Variants in AGBL4 observed in about 807,000 individuals in gnomAD.
AGBL4 encodes the protein cytosolic carboxypeptidase 6.
A neutral mutation model predicts 66.4 loss-of-function variants in AGBL4; 58 were observed. The ratio of observed to expected loss-of-function variants is 0.87; its 90% CI spans 0.71 to 1.09. The LOEUF is 1.09. AGBL4 is among the 50% of genes least tolerant of loss of function. The pLI, the probability that AGBL4 is intolerant of heterozygous loss-of-function variation, is 0.00. For missense variants in AGBL4, 579 were observed against 631.0 expected, an observed-to-expected ratio of 0.92 and a Z score of 0.88; for synonymous variants, 234 against 222.9, an observed-to-expected ratio of 1.05 and a Z score of -0.44.
At chr1:49,912,837 G>T (rs1650993226) in intron 1 of AGBL4, among the ~76,000 whole-genome samples, 1 of 152,110 alleles carries the variant, frequency 6.6e-6, no homozygotes. Flanking sequence ...AAAGGCAGAA[G>T]GGCAAGAGAA....
chr1:49,825,855 A>G (rs1645495450), intron 2 of AGBL4, among the ~76,000 whole-genome samples: 1 of 140,282 alleles, frequency 7.1e-6, no homozygotes, highest in African/African-American at 3.1e-5. Context: ...ACTCACACAT[A>G]CACACACACA....
chr1:49,942,821 G>C (rs1327414700), intron 1 of AGBL4, among the ~76,000 whole-genome samples: 3 of 152,020 alleles, frequency 2.0e-5, no homozygotes, highest in Admixed American at 6.6e-5. Flanking sequence ...GCAAAAAATA[G>C]ACAAATGGGA....
chr1:49,253,732 A>G (rs890540595), intron 3 of AGBL4, among the ~76,000 whole-genome samples: 5 of 152,064 alleles, frequency 3.3e-5, no homozygotes, highest in African/African-American at 1.2e-4. Context: ...AAATCAAGGC[A>G]ATATCCTTGA....
intron 1 of AGBL4, among the ~76,000 whole-genome samples, chr1:49,906,986 T>A (rs1650340518): frequency 6.6e-6 from 1 of 152,140 alleles, no homozygotes; most frequent in Non-Finnish European, 1.5e-5. Flanking sequence ...CTTAAGTCAA[T>A]ATAAGTTTCT....
chr1:48,598,065 A>G (rs1159495998), intron 9 of AGBL4, among the ~76,000 whole-genome samples: 18 of 152,226 alleles, frequency 1.2e-4, no homozygotes, highest in Admixed American at 1.0e-3. Context: ...GAAGGCCAGT[A>G]GCCAGATTGT....
At chr1:49,820,196 A>T (rs554477068) in intron 2 of AGBL4, among the ~76,000 whole-genome samples, 9 of 152,320 alleles carry the variant, frequency 5.9e-5, no homozygotes, top group African/African-American at 2.2e-4. Context: ...ACTTTTGAGA[A>T]AGAAAGCCTC....
At chr1:49,491,751 G>A (rs1019341804) in intron 3 of AGBL4, among the ~76,000 whole-genome samples, 4 of 151,834 alleles carry the variant, frequency 2.6e-5, no homozygotes, top group Non-Finnish European at 4.4e-5. Context: ...GGGACAGTCA[G>A]GATTAAAATT....
intron 6 of AGBL4, among the ~76,000 whole-genome samples, chr1:48,716,502 C>T (rs1490148379): frequency 6.6e-6 from 1 of 152,200 alleles, no homozygotes; most frequent in Non-Finnish European, 1.5e-5. Context: ...CCCCTGCCCC[C>T]ATCCATCCAG....
intron 3 of AGBL4, among the ~76,000 whole-genome samples, chr1:49,514,299 G>C (rs900932054): frequency 2.0e-5 from 3 of 151,902 alleles, no homozygotes; most frequent in Non-Finnish European, 4.4e-5. Context: ...TCTTGTGCCA[G>C]TTTTCAAAGG....
chr1:49,816,751 A>G (rs941475018), intron 2 of AGBL4, among the ~76,000 whole-genome samples: 1 of 152,202 alleles, frequency 6.6e-6, no homozygotes, highest in Non-Finnish European at 1.5e-5. Context: ...TGTCTCTTGT[A>G]TATTAGATAA....
intron 3 of AGBL4, among the ~76,000 whole-genome samples, chr1:49,442,194 CAGAG>C (rs1056432340): frequency 9.9e-5 from 15 of 151,930 alleles, no homozygotes; most frequent in African/African-American, 3.4e-4. Flanking sequence ...GAGAGAGAGA[CAGAG>C]AGAGATATTA....
intron 3 of AGBL4, among the ~76,000 whole-genome samples, chr1:49,558,802 G>A (rs1643964114): frequency 6.6e-6 from 1 of 152,148 alleles, no homozygotes; most frequent in Admixed American, 6.6e-5. Context: ...CAGTATTCTG[G>A]CAGTACTCTC....
chr1:49,498,335 C>T (rs1418956341), intron 3 of AGBL4, among the ~76,000 whole-genome samples: 2 of 151,826 alleles, frequency 1.3e-5, no homozygotes, highest in Non-Finnish European at 2.9e-5. Context: ...TTCTCCCTTT[C>T]CTATATGAAT....
At chr1:48,530,865 C>T (rs563599137), downstream of AGBL4, among the ~76,000 whole-genome samples, 2 of 152,308 alleles carry the variant, frequency 1.3e-5, no homozygotes, top group East Asian at 3.9e-4. Context: ...GCTCCACCCA[C>T]CTGTGGCTCT....
At chr1:49,601,532 T>C (rs1644958671) in intron 3 of AGBL4, among the ~76,000 whole-genome samples, 1 of 151,978 alleles carries the variant, frequency 6.6e-6, no homozygotes, top group African/African-American at 2.4e-5. Context: ...GGAACAGAGA[T>C]CTCAGAAATA....
At chr1:49,396,015 T>G (rs922347226) in intron 3 of AGBL4, among the ~76,000 whole-genome samples, 2 of 151,268 alleles carry the variant, frequency 1.3e-5, no homozygotes, top group African/African-American at 4.9e-5. Flanking sequence ...GAAGACCCAG[T>G]GTCTACATCA....
intron 6 of AGBL4, chr1:48,728,116 G>T (rs1647466953): frequency 1.5e-6 from 2 of 1,378,598 alleles, no homozygotes; most frequent in African/African-American, 2.9e-5. Context: ...GAGGGTAAAA[G>T]AAAATGTACC....
At chr1:49,285,847 C>T (rs1201376843) in intron 3 of AGBL4, among the ~76,000 whole-genome samples, 2 of 152,194 alleles carry the variant, frequency 1.3e-5, no homozygotes, top group African/African-American at 4.8e-5. Context: ...AGGGAATCCT[C>T]CCTAACTCAT....
chr1:49,122,345 C>T (rs758895443), intron 4 of AGBL4, among the ~76,000 whole-genome samples: 40 of 152,174 alleles, frequency 2.6e-4, no homozygotes, highest in Non-Finnish European at 5.1e-4. Context: ...CATCTTGGAA[C>T]AGACCCCACA....
Sources: allele counts gnomAD v4.1 joint callset (sites outside exome capture counted in the v4.1 genomes callset), GRCh38; gene constraint gnomAD v4.1.1; transcripts MANE v1.5; gene names NCBI Gene and HGNC (gene_info 2026-07-23, HGNC 2026-07-21).